The following CPPED1 variants were observed in gnomAD, a reference collection of about 807,000 sequenced individuals.
The protein encoded by CPPED1 is calcineurin like phosphoesterase domain containing 1.
CPPED1 carries 28 observed loss-of-function variants against 28.0 expected under a neutral mutation model. The ratio of observed to expected loss-of-function variants is 1.00; its 90% CI spans 0.74 to 1.37. The LOEUF (loss-of-function observed/expected upper bound fraction) is 1.37, where lower values mean the gene tolerates loss of function less well. Ranked by LOEUF, CPPED1 falls within the 40% of genes most tolerant of loss-of-function variation. CPPED1 has a pLI of 0.00. For missense variants in CPPED1, 504 were observed against 416.5 expected (o/e 1.21, Z -1.83); for synonymous variants, 198 against 180.2 (o/e 1.10, Z -0.79).
At position 12,781,303 on chromosome 16, in the gene CPPED1, G is replaced by A. The variant is rs547412423; in HGVS notation, c.171C>T (p.Gly57=). 16 of 1,614,090 alleles carry A rather than the reference G, an allele frequency of 9.9e-6. No homozygotes were observed. Among genetic ancestry groups the A allele is most frequent in the Middle Eastern group, 3.3e-4 (2 of 6,062 alleles). Residue 57 remains glycine (G), a synonymous_variant, in exon 2 of 4, where the codon GGC becomes GGT. Coordinates refer to ENST00000381774, the MANE Select transcript of CPPED1 (RefSeq NM_018340.3). The part of the protein sequence containing the change: ...KAWSTGDCDN[G]GDEWEQEIRL... ...GGATCTCCTGTTCCCATTCGTCACC[G>A]CCATTGTCACAGTCCCCAGTGGACC...
At chr16:12,699,771 CAGTAGTAGGGAAT>C (rs138268519) in intron 3 of CPPED1, among the ~76,000 whole-genome samples, 2,610 of 152,168 alleles carry the variant, frequency 0.017, 46 homozygotes, top group Admixed American at 0.048. Context: ...GAGACTGAGA[CAGTAGTAGGGAAT>C]AATATTGCCA....
At chr16:12,796,614 T>C (rs927402060) in intron 1 of CPPED1, among the ~76,000 whole-genome samples, 1 of 152,230 alleles carries the variant, frequency 6.6e-6, no homozygotes, top group Non-Finnish European at 1.5e-5. Context: ...GGAACCCATA[T>C]ACACTGCTGG....
intron 2 of CPPED1, among the ~76,000 whole-genome samples, chr16:12,769,093 G>C (rs1434905154): frequency 6.6e-6 from 1 of 151,966 alleles, no homozygotes; most frequent in Admixed American, 6.6e-5. Context: ...TTGAACTCCT[G>C]ACCTCAAGTG....
At chr16:12,672,067 G>A (rs1242443198) in intron 3 of CPPED1, among the ~76,000 whole-genome samples, 4 of 152,228 alleles carry the variant, frequency 2.6e-5, no homozygotes, top group African/African-American at 9.6e-5. Flanking sequence ...ATGGGCTATA[G>A]CACACAGCCT....
At chr16:12,771,465 C>A (rs555926873) in intron 2 of CPPED1, among the ~76,000 whole-genome samples, 8 of 152,310 alleles carry the variant, frequency 5.3e-5, no homozygotes, top group African/African-American at 1.9e-4. Flanking sequence ...CACACCAATA[C>A]GGACACACAG....
intron 3 of CPPED1, among the ~76,000 whole-genome samples, chr16:12,667,818 G>A (rs1038681939): frequency 6.6e-6 from 1 of 152,136 alleles, no homozygotes; most frequent in African/African-American, 2.4e-5. Context: ...GAAAATAATA[G>A]TGAGAAGAAT....
intron 2 of CPPED1, among the ~76,000 whole-genome samples, chr16:12,752,004 T>C (rs1486974407): frequency 2.6e-5 from 4 of 152,150 alleles, no homozygotes; most frequent in Non-Finnish European, 4.4e-5. Context: ...ACCAAAGTCA[T>C]AGAATTCAAA....
intron 2 of CPPED1, among the ~76,000 whole-genome samples, chr16:12,741,228 G>C (rs1330472910): frequency 2.0e-5 from 3 of 151,450 alleles, no homozygotes; most frequent in African/African-American, 7.3e-5. Flanking sequence ...AATGGCACCA[G>C]AGACACTCAG....
At chr16:12,691,142 C>G (rs1157761395) in intron 3 of CPPED1, among the ~76,000 whole-genome samples, 2 of 152,256 alleles carry the variant, frequency 1.3e-5, no homozygotes, top group African/African-American at 2.4e-5. Flanking sequence ...CACTTTGCAG[C>G]TGGTTGATGC....
At chr16:12,696,266 C>A (rs914271218) in intron 3 of CPPED1, among the ~76,000 whole-genome samples, 3 of 152,064 alleles carry the variant, frequency 2.0e-5, no homozygotes, top group Non-Finnish European at 4.4e-5. Flanking sequence ...TTCTCAAGAA[C>A]GCCCGCAAGA....
At chr16:12,667,802 A>C (rs1381996447) in intron 3 of CPPED1, among the ~76,000 whole-genome samples, 1 of 152,152 alleles carries the variant, frequency 6.6e-6, no homozygotes, top group Non-Finnish European at 1.5e-5. Context: ...GGTGGAGGAG[A>C]AAGGAGAAAA....
intron 2 of CPPED1, among the ~76,000 whole-genome samples, chr16:12,738,441 GCA>G (rs138060223): frequency 6.6e-6 from 1 of 150,788 alleles, no homozygotes; most frequent in African/African-American, 2.4e-5. Flanking sequence ...ACACACTCGC[GCA>G]CACACACACA....
At chr16:12,794,289 G>T (rs1188899265) in intron 1 of CPPED1, among the ~76,000 whole-genome samples, 2 of 152,210 alleles carry the variant, frequency 1.3e-5, no homozygotes, top group East Asian at 3.9e-4. Flanking sequence ...GTACACCTCT[G>T]TGAATACACT....
At chr16:12,672,718 G>A (rs2079858726) in intron 3 of CPPED1, among the ~76,000 whole-genome samples, 1 of 152,164 alleles carries the variant, frequency 6.6e-6, no homozygotes, top group African/African-American at 2.4e-5. Context: ...GTAGTGTAAT[G>A]CTTCCAATGA....
chr16:12,689,866 T>C (rs139174920), intron 3 of CPPED1, among the ~76,000 whole-genome samples: 116 of 152,318 alleles, frequency 7.6e-4, no homozygotes, highest in African/African-American at 2.6e-3. Flanking sequence ...AAGTACAGGA[T>C]GCTGTCAAAA....
chr16:12,756,936 C>A (rs1231348256), intron 2 of CPPED1, among the ~76,000 whole-genome samples: 1 of 152,192 alleles, frequency 6.6e-6, no homozygotes, highest in Admixed American at 6.5e-5. Flanking sequence ...CAACAACTTT[C>A]CACATCTTAC....
intron 1 of CPPED1, among the ~76,000 whole-genome samples, chr16:12,802,848 C>CA (rs2080668838): frequency 6.6e-6 from 1 of 152,206 alleles, no homozygotes; most frequent in African/African-American, 2.4e-5. Flanking sequence ...CAGAACTGGG[C>CA]AAGAGAGAGA....
rs2079812958 is a variant in CPPED1, at chr16:12,664,359, A to G, written c.*527T>C. 6 of 991,976 alleles carry G rather than the reference A, an allele frequency of 6.0e-6. No homozygotes were observed. The highest frequency in any genetic ancestry group is 7.2e-6 in the Non-Finnish European group (6 of 834,680). 61.4% of individuals were successfully genotyped at this position (991,976 alleles called of 1,614,324 possible). On this transcript the variant is annotated 3_prime_UTR_variant, in exon 4 of 4. Coordinates refer to ENST00000381774, the MANE Select transcript of CPPED1 (RefSeq NM_018340.3). This position sits in a 1 kb window ranked among gnomAD's most constrained non-coding sequence, Gnocchi z 4.2. Reference sequence around the variant, plus strand: ...ATGGTGCCTACTTGGCTCCTTGTCAAAATAAGTCTGCATGGCTCTCACAAC... The same window carrying G: ...ATGGTGCCTACTTGGCTCCTTGTCAGAATAAGTCTGCATGGCTCTCACAAC...
rs1198967141 is a variant in CPPED1 at position 12,704,670 on chromosome 16, G to T, written c.669C>A (p.Leu223=). Residue 223 remains leucine, a synonymous_variant, in exon 3 of 4, where the codon CTC becomes CTA. Transcript: ENST00000381774. ...IDEDDDYYFN[L]SKSTRKKLAD... is the part of the protein sequence containing the mutation. Reference sequence around the variant, plus strand: ...CCAACTTCTTCCGAGTGGACTTGCTGAGGTTGAAGTAGTAGTCGTCGTCCT... The same window carrying T: ...CCAACTTCTTCCGAGTGGACTTGCTTAGGTTGAAGTAGTAGTCGTCGTCCT... 1.1e-5 allele frequency: 18 copies of T among 1,613,834 alleles called. No individual in the cohort carries two copies. Among genetic ancestry groups the T allele is most frequent in the Non-Finnish European group, 1.1e-5 (13 of 1,179,788 alleles).
Sources: allele counts gnomAD v4.1 joint callset (sites outside exome capture counted in the v4.1 genomes callset), GRCh38; gene constraint gnomAD v4.1.1; non-coding constraint Gnocchi (gnomAD v3.1); transcripts MANE v1.5; gene names NCBI Gene and HGNC (gene_info 2026-07-23, HGNC 2026-07-21).